The following SKIL variants were observed in gnomAD, a reference collection of about 807,000 sequenced individuals.
SKIL encodes the protein SKI like proto-oncogene.
A neutral mutation model predicts 69.6 loss-of-function variants in SKIL; 20 were observed. The observed-to-expected ratio is 0.29, with a 90% CI of 0.20 to 0.42. The LOEUF is 0.42. Among genes scored for constraint, SKIL ranks in the 10% least tolerant of loss-of-function variants. The pLI is 1.00. For synonymous variants in SKIL, 310 were observed against 279.9 expected (o/e 1.11, Z -1.08); for missense variants, 745 against 783.1 (o/e 0.95, Z 0.58).
Position 170,357,737 on chromosome 3 carries a change from C to T in SKIL, c.-660C>T. The T allele has an allele frequency of 6.1e-6, 1 of 163,544 alleles. No individual in the cohort carries two copies. Among genetic ancestry groups the T allele is most frequent in the Non-Finnish European group, 1.3e-5 (1 of 78,648 alleles). 10.1% of individuals were successfully genotyped at this position (163,544 alleles called of 1,614,324 possible). On this transcript the variant is annotated 5_prime_UTR_variant, in exon 1 of 7. Coordinates refer to ENST00000259119, the MANE Select transcript of SKIL (RefSeq NM_005414.5). The stretch of plus-strand genomic sequence containing the variant: ...GGCACAGCCGAAGGGAGCGGGCGAG[C>T]GGCGACGGCGGCGGCGGCGGGCACA...
intron 2 of SKIL, among the ~76,000 whole-genome samples, chr3:170,379,471 G>C (rs1737213004): frequency 1.3e-5 from 1 of 76,036 alleles, no homozygotes. Context: ...CCTTACCAGT[G>C]AGTCTTGCCC....
In SKIL at chr3:170,360,185, T is replaced by G; in HGVS notation, c.-147T>G. The G allele has an allele frequency of 1.3e-6, 1 of 756,326 alleles. No individual in the cohort carries two copies. Among genetic ancestry groups the G allele is most frequent in the Admixed American group, 3.0e-5 (1 of 33,154 alleles). The allele number at this position is 756,326 out of a possible 1,614,324, so 46.9% of individuals were successfully genotyped here. On this transcript the variant is annotated 5_prime_UTR_variant, in exon 2 of 7. Coordinates refer to ENST00000259119, the MANE Select transcript of SKIL (RefSeq NM_005414.5). Reference sequence around the variant, plus strand: ...GGAGAACCAAAACTAAGTCGCAAAATTTATTAATTTAAGGGGCTCTCGCTT... The same window carrying G: ...GGAGAACCAAAACTAAGTCGCAAAAGTTATTAATTTAAGGGGCTCTCGCTT...
chr3:170,358,450 C>CCT (rs1736051440), intron 1 of SKIL: 1 of 152,462 alleles, frequency 6.6e-6, no homozygotes, highest in Admixed American at 6.5e-5. Flanking sequence ...CCTTGTTCTC[C>CCT]CTCTCTCCGG....
intron 2 of SKIL, among the ~76,000 whole-genome samples, chr3:170,362,784 C>A (rs1177833950): frequency 6.7e-6 from 1 of 150,250 alleles, no homozygotes; most frequent in African/African-American, 2.5e-5. Context: ...CACCACAGTC[C>A]ATCCTGGGCG....
chr3:170,368,789 T>G (rs1332368791), intron 2 of SKIL, among the ~76,000 whole-genome samples: 1 of 152,222 alleles, frequency 6.6e-6, no homozygotes, highest in Non-Finnish European at 1.5e-5. Context: ...AAGAAGAAAG[T>G]GTGAAACAGT....
chr3:170,367,802 C>G (rs1252351270), intron 2 of SKIL, among the ~76,000 whole-genome samples: 1 of 152,120 alleles, frequency 6.6e-6, no homozygotes, highest in Admixed American at 6.6e-5. Flanking sequence ...GACTGGACTA[C>G]TCTTAGGTAA....
chr3:170,358,880 CT>C (rs1019089150), intron 1 of SKIL, among the ~76,000 whole-genome samples: 3 of 152,066 alleles, frequency 2.0e-5, no homozygotes, highest in African/African-American at 7.2e-5. Flanking sequence ...AATCGCTAAC[CT>C]TTTTTTAAGA....
intron 2 of SKIL, among the ~76,000 whole-genome samples, chr3:170,378,751 C>T (rs990847304): frequency 1.3e-5 from 2 of 151,856 alleles, no homozygotes; most frequent in Non-Finnish European, 2.9e-5. Flanking sequence ...CCATGTTGGC[C>T]AGGCTGGTCT....
At chr3:170,383,314 CTG>C (rs1183390547) in intron 3 of SKIL, among the ~76,000 whole-genome samples, 2 of 152,102 alleles carry the variant, frequency 1.3e-5, no homozygotes, top group Non-Finnish European at 2.9e-5. Flanking sequence ...TGTCAGAAAA[CTG>C]AGATTTTGGC....
chr3:170,383,619 C>T (rs1277276583), intron 3 of SKIL, among the ~76,000 whole-genome samples: 1 of 152,046 alleles, frequency 6.6e-6, no homozygotes, highest in Admixed American at 6.6e-5. Context: ...TTATTGTTGC[C>T]ATTTTATCAA....
At position 170,391,175 on chromosome 3, in the gene SKIL, A is replaced by G; in HGVS notation, c.1811A>G (p.Glu604Gly). 6.2e-7 allele frequency: 1 copy of G among 1,612,852 alleles called. No homozygotes were observed. Among genetic ancestry groups the G allele is most frequent in the Non-Finnish European group, 8.5e-7 (1 of 1,178,902 alleles). ...EEFYVEQKDL[E>G]KKLEQIMKQK... ...TTTTATGTTGAACAGAAAGACTTAGAGAAAAAATTGGAGCAGATAATGAAG... is the reference window on the plus strand; with the variant it reads ...TTTTATGTTGAACAGAAAGACTTAGGGAAAAAATTGGAGCAGATAATGAAG... The change falls in exon 6 of 7, where the codon GAG becomes GGG. Residue 604 changes from glutamate to glycine, a missense_variant. By Grantham distance (98) the Glu-to-Gly change is moderately conservative (BLOSUM62 -2). Coordinates refer to ENST00000259119, the MANE Select transcript of SKIL (RefSeq NM_005414.5).
At chr3:170,384,942 TC>T in intron 4 of SKIL, 177 bp downstream of exon 4, 2 of 494,348 alleles carry the variant, frequency 4.0e-6, no homozygotes, top group Middle Eastern at 5.5e-4. Flanking sequence ...GCTATACTTT[TC>T]TAGCGTGGTG....
At chr3:170,372,185 A>G (rs996384778) in intron 2 of SKIL, among the ~76,000 whole-genome samples, 52 of 152,276 alleles carry the variant, frequency 3.4e-4, no homozygotes, top group African/African-American at 1.2e-3. Flanking sequence ...ATTTTTCTTC[A>G]AGTTCTAAAG....
intron 6 of SKIL, 64 bp downstream of exon 6, chr3:170,391,324 C>T (rs1737906122): frequency 1.5e-5 from 11 of 740,762 alleles, no homozygotes; most frequent in Admixed American, 3.2e-5. Context: ...TTACTTCTCT[C>T]TTTTTTTTTT....
intron 4 of SKIL, among the ~76,000 whole-genome samples, chr3:170,387,265 A>G (rs1194693512): frequency 6.6e-6 from 1 of 151,846 alleles, no homozygotes; most frequent in Non-Finnish European, 1.5e-5. Context: ...TAGGTGATCC[A>G]CCCGCCTCGG....
intron 2 of SKIL, among the ~76,000 whole-genome samples, chr3:170,375,066 G>T (rs1252246586): frequency 6.6e-6 from 1 of 152,174 alleles, no homozygotes; most frequent in East Asian, 1.9e-4. Flanking sequence ...TATAGTGCTA[G>T]GTATTAAAAA....
At chr3:170,361,524 T>C in intron 2 of SKIL, 95 bp downstream of exon 2, 1 of 944,928 alleles carries the variant, frequency 1.1e-6, no homozygotes, top group Non-Finnish European at 1.6e-6. Flanking sequence ...ATGTTGAACA[T>C]TGCTCATGCA....
rs1436522558 is a variant in SKIL, at chr3:170,393,785, A to G, written c.*1368A>G. The stretch of plus-strand genomic sequence containing the variant: ...TCTCTTATAAGATACTATGTATGAA[A>G]TTACTTCAGAGAGCTATATTTATTT... On this transcript the variant is annotated 3_prime_UTR_variant, in exon 7 of 7. Coordinates refer to ENST00000259119, the MANE Select transcript of SKIL (RefSeq NM_005414.5). 2 of 152,194 alleles carry G rather than the reference A, an allele frequency of 1.3e-5. No individual in the cohort carries two copies. Among genetic ancestry groups the G allele is most frequent in the Non-Finnish European group, 2.9e-5 (2 of 68,034 alleles). 9.4% of individuals were successfully genotyped at this position (152,194 alleles called of 1,614,324 possible).
intron 2 of SKIL, among the ~76,000 whole-genome samples, chr3:170,368,911 T>C (rs957910308): frequency 2.0e-5 from 3 of 152,130 alleles, no homozygotes; most frequent in Admixed American, 2.0e-4. Context: ...TGATACCACA[T>C]TGGGGTTTTG....
Sources: gnomAD v4.1 joint callset for allele counts (sites outside exome capture counted in the v4.1 genomes callset) on GRCh38, gnomAD v4.1.1 for gene constraint, MANE v1.5 for transcripts, NCBI Gene and HGNC (gene_info 2026-07-23, HGNC 2026-07-21) for gene names.